The following KANSL1 variants were observed in gnomAD, a reference collection of about 807,000 sequenced individuals.
KANSL1 encodes KAT8 regulatory NSL complex subunit 1.
A neutral mutation model predicts 103.6 loss-of-function variants in KANSL1; 22 were observed. The ratio of observed to expected loss-of-function variants is 0.21; its 90% confidence interval spans 0.15 to 0.30. The LOEUF is 0.30. KANSL1 is among the 10% of genes least tolerant of loss of function. The pLI, the probability that KANSL1 is intolerant of heterozygous loss-of-function variation, is 1.00. For missense variants in KANSL1, 1,337 were observed against 1,399.8 expected, an observed-to-expected ratio of 0.96 and a Z score of 0.72; for synonymous variants, 600 against 527.6, an observed-to-expected ratio of 1.14 and a Z score of -1.88.
chr17:46,052,719 T>C (rs1221253147), intron 6 of KANSL1, among the ~76,000 whole-genome samples: 5 of 149,848 alleles, frequency 3.3e-5, no homozygotes, highest in Non-Finnish European at 7.4e-5. Context: ...GGAGAGAGGA[T>C]TGCTTGAAGC....
intron 1 of KANSL1, among the ~76,000 whole-genome samples, chr17:46,199,509 CAAACTTTCAGT>C (rs919989035): frequency 1.3e-5 from 2 of 152,158 alleles, no homozygotes; most frequent in African/African-American, 4.8e-5. Flanking sequence ...CCAGTAGAAA[CAAACTTTCAGT>C]AAGATTAAAC....
intron 12 of KANSL1, 55 bp downstream of exon 12, chr17:46,033,348 T>A: frequency 6.7e-7 from 1 of 1,491,600 alleles, no homozygotes; most frequent in Admixed American, 1.7e-5. Context: ...TGCACTCATA[T>A]GTATGTGTGC....
At chr17:46,031,868 T>C (rs2077018207) in intron 14 of KANSL1, 165 bp from the exon 15 acceptor site, 2 of 1,055,208 alleles carry the variant, frequency 1.9e-6, no homozygotes, top group Non-Finnish European at 2.8e-6. Context: ...GACAACTGTA[T>C]TGATCATTTA....
intron 2 of KANSL1, among the ~76,000 whole-genome samples, chr17:46,145,668 A>C (rs111801880): frequency 0.12 from 17,298 of 150,384 alleles, no homozygotes; most frequent in Non-Finnish European, 0.17. Context: ...TGAACTAGGA[A>C]ATCAAACAAC....
At chr17:46,052,914 T>TGA (rs2077765140) in intron 6 of KANSL1, among the ~76,000 whole-genome samples, 1 of 125,598 alleles carries the variant, frequency 8.0e-6, no homozygotes. Context: ...TAGTGAGCCA[T>TGA]GATTGCACCA....
At chr17:46,196,268 A>G, upstream of KANSL1, 1 of 445,860 alleles carries the variant, frequency 2.2e-6, no homozygotes. Context: ...TAAAAACACC[A>G]ACATATTTCA....
At chr17:46,225,272 C>G (rs1440491961), upstream of KANSL1, 2 of 152,496 alleles carry the variant, frequency 1.3e-5, no homozygotes, top group Non-Finnish European at 2.9e-5. Context: ...CACCATCACC[C>G]TGGCCCACTC....
upstream of KANSL1, among the ~76,000 whole-genome samples, chr17:46,195,584 A>G (rs1368966934): frequency 6.6e-6 from 1 of 152,184 alleles, no homozygotes; most frequent in African/African-American, 2.4e-5. Context: ...TATTTTTTTG[A>G]CAGGGTCCTG....
intron 3 of KANSL1, chr17:46,093,011 CATATAT>C (rs1192035661): frequency 6.6e-6 from 1 of 152,194 alleles, no homozygotes; most frequent in Non-Finnish European, 1.5e-5. Flanking sequence ...TATAAACCCA[CATATAT>C]ATTTATGAAT....
At chr17:46,170,527 C>T (rs1387798315) in intron 2 of KANSL1, 2 of 361,028 alleles carry the variant, frequency 5.5e-6, no homozygotes, top group African/African-American at 4.3e-5. Flanking sequence ...CTTATCATGT[C>T]CTATATATAG....
At chr17:46,112,989 G>C (rs2042888017) in intron 2 of KANSL1, among the ~76,000 whole-genome samples, 1 of 152,164 alleles carries the variant, frequency 6.6e-6, no homozygotes, top group South Asian at 2.1e-4. Flanking sequence ...CCAAAGTGTT[G>C]GGATTACAGG....
chr17:46,075,087 T>G lies in KANSL1; in HGVS notation c.1533+7354A>C, dbSNP rs567993929. Among the ~76,000 whole-genome samples, 3 of 152,112 alleles carry G rather than the reference T, an allele frequency of 2.0e-5. No individual in the cohort carries two copies. In the East Asian group the frequency reaches 5.8e-4, roughly 29 times the overall value. ...GTAATGAAATACAAAAACTGAGAAC[T>G]CTCACATATTGAAGGACATTTAGAG... On this transcript the variant is annotated intron_variant, in intron 4 of 14. Coordinates refer to ENST00000432791, the MANE Select transcript of KANSL1 (RefSeq NM_015443.4).
intron 7 of KANSL1, 163 bp from the exon 8 acceptor site, chr17:46,040,047 T>C (rs193299077): frequency 1.1e-4 from 63 of 549,012 alleles, no homozygotes; most frequent in African/African-American, 1.1e-3. Context: ...CTGAAGGTCA[T>C]TCTTCTATTT....
At position 46,038,659 on chromosome 17, in the gene KANSL1, C is replaced by G. The variant is rs1317184946; in HGVS notation, c.2420G>C (p.Ser807Thr). ...EVLKHHTDMS[S>T]SSYLAATHHP... is the part of the protein sequence containing the mutation. ...GTGGGTGGCTGCCAAGTAGCTCGAA[C>G]TGCTCATGTCTGTGTGATGCTTCAA... The change falls in exon 10 of 15, where the codon AGT becomes ACT. Residue 807 changes from serine to threonine, a missense_variant. This residue lies in a region of KANSL1 where 780 missense variants were observed against 923.4 expected (regional missense o/e 0.84). Coordinates refer to ENST00000432791, the MANE Select transcript of KANSL1 (RefSeq NM_015443.4). 3 of 1,614,168 alleles carry G rather than the reference C, an allele frequency of 1.9e-6. No individual in the cohort carries two copies. The highest frequency in any genetic ancestry group is 1.7e-5 in the Admixed American group (1 of 60,026).
intron 2 of KANSL1, among the ~76,000 whole-genome samples, chr17:46,104,190 A>C (rs1373724488): frequency 6.6e-6 from 1 of 152,074 alleles, no homozygotes; most frequent in Non-Finnish European, 1.5e-5. Context: ...GGTACTTTAA[A>C]CTCCTTTCAA....
chr17:46,091,073 C>T (rs1457921743), intron 3 of KANSL1, among the ~76,000 whole-genome samples: 2 of 152,194 alleles, frequency 1.3e-5, no homozygotes, highest in African/African-American at 4.8e-5. Flanking sequence ...GCAATGAAAG[C>T]TCCGTGTGTG....
At chr17:46,046,045 C>CA (rs918220253) in intron 7 of KANSL1, 2 of 151,950 alleles carry the variant, frequency 1.3e-5, no homozygotes, top group African/African-American at 4.8e-5. Flanking sequence ...GCCAGAATCC[C>CA]AAAAAGGGTA....
chr17:46,143,367 G>A (rs746303650), intron 2 of KANSL1, among the ~76,000 whole-genome samples: 2 of 152,116 alleles, frequency 1.3e-5, no homozygotes, highest in South Asian at 2.1e-4. Flanking sequence ...GGTGGCAGGC[G>A]CCTATAATCC....
chr17:46,086,681 T>C (rs1598584516), intron 3 of KANSL1, among the ~76,000 whole-genome samples: 1 of 152,196 alleles, frequency 6.6e-6, no homozygotes. Context: ...GGGTTGGTCG[T>C]GACGGCTCAT....
Sources: allele counts gnomAD v4.1 joint callset (sites outside exome capture counted in the v4.1 genomes callset), GRCh38; gene constraint gnomAD v4.1.1; regional missense constraint gnomAD v4.1.1; transcripts MANE v1.5; gene names NCBI Gene and HGNC (gene_info 2026-07-23, HGNC 2026-07-21).